Variants in FRMD3 observed in about 807,000 individuals in gnomAD.
FRMD3 encodes FERM domain-containing protein 3.
In FRMD3, 33 loss-of-function variants were observed where a neutral mutation model predicts 70.2. The ratio of observed to expected loss-of-function variants is 0.47; its 90% CI spans 0.36 to 0.63. FRMD3 has a LOEUF of 0.63. FRMD3 is among the 20% of genes least tolerant of loss of function. The probability of loss-of-function intolerance (pLI) is 0.00; values close to 1 mark genes in which losing one functional copy is unlikely to be tolerated. For synonymous variants in FRMD3, 279 were observed against 255.9 expected, an observed-to-expected ratio of 1.09 and a Z score of -0.86; for missense variants, 632 against 711.4, an observed-to-expected ratio of 0.89 and a Z score of 1.27.
At chr9:83,357,223 ATT>A (rs1181909046) in intron 3 of FRMD3, among the ~76,000 whole-genome samples, 3,433 of 19,348 alleles carry the variant, frequency 0.18, 619 homozygotes, top group South Asian at 0.19. Context: ...GAATATATAT[ATT>A]TTATATATAT....
the FRMD3 span, among the ~76,000 whole-genome samples, chr9:83,550,678 G>A: frequency 9.2e-4 from 129 of 140,590 alleles, 1 homozygote; most frequent in African/African-American, 3.2e-3. Flanking sequence ...GTTAGCTGTA[G>A]TCCTAGGTAG....
intron 1 of FRMD3, among the ~76,000 whole-genome samples, chr9:83,511,000 AT>A (rs1447202360): frequency 6.6e-6 from 1 of 152,220 alleles, no homozygotes; most frequent in African/African-American, 2.4e-5. Flanking sequence ...CTTTAGGTGA[AT>A]TGTACGTTAC....
rs10646229 is a variant in FRMD3, at chr9:83,247,384, C to CTTTTT, written c.*529_*533dup. The CTTTTT allele has an allele frequency of 6.4e-4, 585 of 914,352 alleles. No homozygotes were observed. In the East Asian group the frequency reaches 0.013, roughly 21 times the overall value. The allele number at this position is 914,352 out of a possible 1,614,324, so 56.6% of individuals were successfully genotyped here. ...ACATGTAAATAACTCCAGGAGGCTT[C>CTTTTT]TTTTTTTTTTTTGCTAAAAATTTAC... On this transcript the variant is annotated 3_prime_UTR_variant, in exon 14 of 14. Coordinates refer to ENST00000304195, the MANE Select transcript of FRMD3 (RefSeq NM_174938.6).
chr9:83,245,326 A>G lies in FRMD3; in HGVS notation c.*2592T>C. On this transcript the variant is annotated 3_prime_UTR_variant, in exon 14 of 14. Coordinates refer to ENST00000304195, the MANE Select transcript of FRMD3 (RefSeq NM_174938.6). ...AGGCTTTTCCTCATTCGATTCAGGC[A>G]ACTGGTGACTATCTTCTAACAAAAC... 1 of 985,424 alleles carries G rather than the reference A, an allele frequency of 1.0e-6. No individual in the cohort carries two copies. The highest frequency in any genetic ancestry group is 1.7e-5 in the African/African-American group (1 of 57,358). 61.0% of individuals were successfully genotyped at this position (985,424 alleles called of 1,614,324 possible). A position where few individuals can be genotyped will look rare whatever the true frequency, so the allele number is the denominator to read the frequency against.
At chr9:83,279,785 C>T (rs569958726) in intron 13 of FRMD3, among the ~76,000 whole-genome samples, 7 of 133,572 alleles carry the variant, frequency 5.2e-5, no homozygotes, top group African/African-American at 1.7e-4. Context: ...ACAACACACA[C>T]TGGGGCCTGT....
At chr9:83,429,340 C>G (rs1826904093) in intron 1 of FRMD3, among the ~76,000 whole-genome samples, 1 of 152,146 alleles carries the variant, frequency 6.6e-6, no homozygotes, top group African/African-American at 2.4e-5. Flanking sequence ...GATCCTGGCT[C>G]CAGCCCCCTG....
intron 12 of FRMD3, among the ~76,000 whole-genome samples, chr9:83,295,650 C>T (rs1278586630): frequency 6.6e-6 from 1 of 152,176 alleles, no homozygotes; most frequent in Non-Finnish European, 1.5e-5. Flanking sequence ...GCAAACAACA[C>T]AGCTAAGATT....
intron 1 of FRMD3, among the ~76,000 whole-genome samples, chr9:83,517,494 C>CAA (rs59178344): frequency 0.02 from 1,319 of 64,902 alleles, no homozygotes; most frequent in Middle Eastern, 0.03. Context: ...CCTACCAATC[C>CAA]AAAAAAAAAA....
intron 6 of FRMD3, among the ~76,000 whole-genome samples, chr9:83,325,224 C>T (rs2131102929): frequency 6.6e-6 from 1 of 152,268 alleles, no homozygotes; most frequent in East Asian, 1.9e-4. Context: ...TACACTATTC[C>T]AGTGATGGTT....
At chr9:83,524,107 A>G (rs1261617981) in intron 1 of FRMD3, among the ~76,000 whole-genome samples, 1 of 152,192 alleles carries the variant, frequency 6.6e-6, no homozygotes, top group Admixed American at 6.5e-5. Context: ...TTGTTTTCCT[A>G]TTTTTCTAAA....
At chr9:83,490,798 T>TCTCTCTCACA (rs752047493) in intron 1 of FRMD3, among the ~76,000 whole-genome samples, 6 of 110,784 alleles carry the variant, frequency 5.4e-5, no homozygotes, top group East Asian at 2.6e-4. Context: ...TCTCTCTCTC[T>TCTCTCTCACA]CACACACACA....
At chr9:83,278,929 G>A (rs1442586807) in intron 13 of FRMD3, among the ~76,000 whole-genome samples, 1 of 152,176 alleles carries the variant, frequency 6.6e-6, no homozygotes, top group African/African-American at 2.4e-5. Flanking sequence ...TCCCCAGTAA[G>A]GGTACAATTG....
chr9:83,507,691 CATATATATATATATATATATATAT>C lies in FRMD3; in HGVS notation c.147+30370_147+30393del, dbSNP rs34251863. Among the ~76,000 whole-genome samples, 104 of 49,244 alleles carry C rather than the reference CATATATATATATATATATATATAT, an allele frequency of 2.1e-3. 7 individuals carry two copies. In the Middle Eastern group the frequency reaches 0.05, roughly 24 times the overall value. 32.3% of individuals were successfully genotyped at this position (49,244 alleles called of 152,430 possible). The stretch of plus-strand genomic sequence containing the variant: ...TCTCAAACAAAAAAAAATATACATA[CATATATATATATATATATATATAT>C]ATATATATATATATATATATATATC... On this transcript the variant is annotated intron_variant, in intron 1 of 13. Transcript: ENST00000304195.
intron 6 of FRMD3, among the ~76,000 whole-genome samples, chr9:83,332,362 GTCTCTCTCTCTCTCTT>G (rs1488557244): frequency 2.0e-5 from 3 of 150,460 alleles, no homozygotes; most frequent in Non-Finnish European, 4.4e-5. Context: ...GGAAGAGTCA[GTCTCTCTCTCTCTCTT>G]TCTCTCTCTC....
chr9:83,290,145 A>C (rs1535753), intron 13 of FRMD3, among the ~76,000 whole-genome samples: 83,336 of 152,028 alleles, frequency 0.55, 24,398 homozygotes, highest in South Asian at 0.78. Flanking sequence ...GCAGACATCA[A>C]CATCCAATAG....
chr9:83,544,494 G>A, the FRMD3 span, among the ~76,000 whole-genome samples: 3 of 152,112 alleles, frequency 2.0e-5, no homozygotes, highest in African/African-American at 7.2e-5. Context: ...AATTGCCTGT[G>A]ACAACACAGA....
At chr9:83,493,857 C>A (rs777132548) in intron 1 of FRMD3, among the ~76,000 whole-genome samples, 1 of 152,226 alleles carries the variant, frequency 6.6e-6, no homozygotes, top group Non-Finnish European at 1.5e-5. Flanking sequence ...TTGCACCCAG[C>A]CTCCCCATCC....
the FRMD3 span, among the ~76,000 whole-genome samples, chr9:83,551,092 C>T: frequency 2.6e-5 from 4 of 152,114 alleles, no homozygotes; most frequent in East Asian, 1.9e-4. Context: ...TTGCCCATTC[C>T]ATATAATGTT....
chr9:83,333,068 G>A (rs56367912), intron 6 of FRMD3, among the ~76,000 whole-genome samples: 108 of 152,300 alleles, frequency 7.1e-4, no homozygotes, highest in Non-Finnish European at 1.4e-3. Context: ...CCCAACAGAC[G>A]CAAGAAAGCT....
Sources: gnomAD v4.1 joint callset for allele counts (sites outside exome capture counted in the v4.1 genomes callset) on GRCh38, gnomAD v4.1.1 for gene constraint, MANE v1.5 for transcripts, NCBI Gene and HGNC (gene_info 2026-07-23, HGNC 2026-07-21) for gene names.